The following SOX30 variants were observed in gnomAD, a reference collection of about 807,000 sequenced individuals.
The protein encoded by SOX30 is transcription factor SOX-30.
A neutral mutation model predicts 58.6 loss-of-function variants in SOX30; 17 were observed. The ratio of observed to expected loss-of-function variants is 0.29; its 90% CI spans 0.20 to 0.44. The LOEUF (loss-of-function observed/expected upper bound fraction) is 0.44, where lower values mean the gene tolerates loss of function less well. Ranked by LOEUF, SOX30 falls within the 20% of genes least tolerant of loss-of-function variation. The probability of loss-of-function intolerance (pLI) is 1.00; values close to 1 mark genes in which losing one functional copy is unlikely to be tolerated. For missense variants in SOX30, 951 were observed against 965.8 expected (o/e 0.98, Z 0.20); for synonymous variants, 421 against 400.2 (o/e 1.05, Z -0.62).
chr5:157,671,315 G>A, intron 1 of SOX30: 1 of 424,924 alleles, frequency 2.4e-6, no homozygotes, highest in East Asian at 4.2e-5. Context: ...AGCGGAAAAG[G>A]TCTGCTCAGC....
chr5:157,638,101 G>T, intron 4 of SOX30, 129 bp downstream of exon 4: 1 of 914,796 alleles, frequency 1.1e-6, no homozygotes. Context: ...TAACTGCTTG[G>T]CTCCTAGTCA....
intron 3 of SOX30, 83 bp from the exon 4 acceptor site, chr5:157,638,805 T>C (rs1189891007): frequency 7.1e-7 from 1 of 1,410,216 alleles, no homozygotes; most frequent in Non-Finnish European, 9.6e-7. Context: ...TAATAAATTG[T>C]ATAAGCAGAG....
intron 1 of SOX30, among the ~76,000 whole-genome samples, chr5:157,670,973 C>T (rs1407607222): frequency 6.6e-6 from 1 of 152,184 alleles, no homozygotes; most frequent in Non-Finnish European, 1.5e-5. Flanking sequence ...TAGGGGTGGG[C>T]CAGGTAGGTT....
intron 2 of SOX30, among the ~76,000 whole-genome samples, chr5:157,667,578 AC>A (rs772058760): frequency 3.9e-5 from 6 of 152,166 alleles, no homozygotes; most frequent in Non-Finnish European, 8.8e-5. Context: ...TTCTAAAAAT[AC>A]AAAAATTAGC....
chr5:157,645,460 C>T (rs954776554), intron 3 of SOX30, among the ~76,000 whole-genome samples: 6 of 152,004 alleles, frequency 3.9e-5, no homozygotes, highest in South Asian at 2.1e-4. Flanking sequence ...GCCCAGGATT[C>T]GACACCAGCC....
At chr5:157,666,718 T>A (rs1759680497) in intron 2 of SOX30, among the ~76,000 whole-genome samples, 1 of 152,176 alleles carries the variant, frequency 6.6e-6, no homozygotes, top group African/African-American at 2.4e-5. Flanking sequence ...TTTTTTGTTT[T>A]GTTTTGAGAT....
chr5:157,638,585 G>C lies in SOX30; in HGVS notation c.1525C>G (p.Pro509Ala). ...GAAGGCCCAGTAAAGCGTTGGGGTG[G>C]GAGTGCTGGATAGACAGGTAGACTT... ...DPSLPVYPAL[P>A]PQRFTGPSQT... is the part of the protein sequence containing the mutation. The change falls in exon 4 of 5, where the codon CCA (proline) becomes GCA (alanine). Residue 509 changes from proline (P) to alanine (A), a missense_variant. Pro to Ala is a conservative substitution (Grantham distance 27). Coordinates refer to ENST00000265007, the MANE Select transcript of SOX30 (RefSeq NM_178424.2). The C allele has an allele frequency of 1.2e-6, 2 of 1,614,142 alleles. No homozygotes were observed. The highest frequency in any genetic ancestry group is 1.7e-6 in the Non-Finnish European group (2 of 1,180,030).
Position 157,626,498 on chromosome 5 carries a change from G to T in SOX30, c.2104C>A (p.His702Asn), listed in dbSNP as rs748537714. 1.7e-5 allele frequency: 27 copies of T among 1,613,984 alleles called. No homozygotes were observed. Among genetic ancestry groups the T allele is most frequent in the Non-Finnish European group, 2.3e-5 (27 of 1,180,050 alleles). The change falls in exon 5 of 5, where the codon CAC becomes AAC. Residue 702 changes from histidine (H) to asparagine (N), a missense_variant. By Grantham distance (68) the His-to-Asn change is moderately conservative. This residue lies in a region of SOX30 where 381 missense variants were observed against 390.0 expected (regional missense o/e 0.98). Transcript: ENST00000265007. Reference sequence around the variant, plus strand: ...GGGTTTAAGTTTTCTTCCCCACTGTGGCTATGACTGTTATAGTAAGAAGTT... The same window carrying T: ...GGGTTTAAGTTTTCTTCCCCACTGTTGCTATGACTGTTATAGTAAGAAGTT... ...NGTSYYNSHSHSGEENLNPVP... is the reference protein window; with the variant it reads ...NGTSYYNSHSNSGEENLNPVP...
rs562336073 is a variant in SOX30 at position 157,637,840 on chromosome 5, C to A, written c.1880+390G>T. Among the ~76,000 whole-genome samples the A allele has an allele frequency of 8.5e-5, 13 of 152,162 alleles. No individual in the cohort carries two copies. In the South Asian group the frequency reaches 2.7e-3, roughly 32 times the overall value. ...TCCTGAGTAGCTGGGATCACAGGCA[C>A]GTGCCACCACGCCTGGCTAATTTTT... On this transcript the variant is annotated intron_variant, in intron 4 of 4. Transcript: ENST00000265007.
chr5:157,638,254 G>C lies in SOX30; in HGVS notation c.1856C>G (p.Pro619Arg). 6.5e-7 allele frequency: 1 copy of C among 1,543,096 alleles called. No individual in the cohort carries two copies. The highest frequency in any genetic ancestry group is 8.7e-7 in the Non-Finnish European group (1 of 1,144,366). ...RFSFHHPYFL[P>R]GPHYFPSSTC... ...CCTTGATGGGAAGTAGTGAGGTCCG[G>C]GTAGGAAGTAAGGGTGATGAAAAGA... Residue 619 changes from proline (P) to arginine (R), a missense_variant, in exon 4 of 5, where the codon CCC becomes CGC. Around this residue, in one of 7 missense-constraint regions of SOX30, gnomAD observed 381 missense variants for 390.0 expected, o/e 0.98. Coordinates refer to ENST00000265007, the MANE Select transcript of SOX30 (RefSeq NM_178424.2).
In SOX30 at chr5:157,651,756, C is replaced by A. The variant is rs368511711; in HGVS notation, c.323G>T (p.Arg108Leu). Residue 108 changes from arginine to leucine, a missense_variant, in exon 1 of 5, where the codon CGG becomes CTG. Transcript: ENST00000265007. ...TGACGCTGTCGGCGGCTGCAGGAGC[C>A]GCAGGTCGGGCCTGAACTGCAACAG... Reference protein sequence around the residue: ...ARLLQFRPDLRLLQPPTASDG... With the variant: ...ARLLQFRPDLLLLQPPTASDG... The A allele has an allele frequency of 2.6e-6, 4 of 1,556,642 alleles. No individual in the cohort carries two copies. In the African/African-American group the frequency reaches 5.4e-5, roughly 21 times the overall value.
intron 2 of SOX30, among the ~76,000 whole-genome samples, chr5:157,661,312 T>C (rs1376109146): frequency 1.1e-4 from 17 of 152,204 alleles, no homozygotes; most frequent in Admixed American, 1.1e-3. Flanking sequence ...TTCCTTCTAT[T>C]CCTAGTTTAT....
chr5:157,652,623 C>G (rs1378356438), upstream of SOX30, among the ~76,000 whole-genome samples: 10 of 152,334 alleles, frequency 6.6e-5, no homozygotes, highest in East Asian at 1.7e-3. Context: ...TGCAACTTAT[C>G]AATAACCTAT....
At chr5:157,655,641 G>A (rs963825499), upstream of SOX30, among the ~76,000 whole-genome samples, 7 of 152,130 alleles carry the variant, frequency 4.6e-5, no homozygotes, top group African/African-American at 1.4e-4. Context: ...CTTCACTACC[G>A]AGAAGTGGCC....
chr5:157,651,598 T>TA lies in SOX30; in HGVS notation c.480dup (p.Arg161Ter). Reference sequence around the variant, plus strand: ...TCCAACTTGACCACCCTGGAGGCTCTAGGACCGGTTTCGACGGCCCCTCGA... The same window carrying TA: ...TCCAACTTGACCACCCTGGAGGCTCTAAGGACCGGTTTCGACGGCCCCTCGA... On this transcript the variant is annotated frameshift_variant, in exon 1 of 5. Coordinates refer to ENST00000265007, the MANE Select transcript of SOX30 (RefSeq NM_178424.2). LOFTEE classifies it high-confidence loss of function. 6.2e-7 allele frequency: 1 copy of TA among 1,613,084 alleles called. No homozygotes were observed. Among genetic ancestry groups the TA allele is most frequent in the South Asian group, 1.1e-5 (1 of 91,084 alleles).
rs1416810857 is a variant in SOX30 at position 157,642,918 on chromosome 5, T to C, written c.1387+3719A>G. 2.6e-5 allele frequency among the ~76,000 whole-genome samples: 4 copies of C among 152,194 alleles called. No homozygotes were observed. In the East Asian group the frequency reaches 5.8e-4, roughly 22 times the overall value. On this transcript the variant is annotated intron_variant, in intron 3 of 4. Transcript: ENST00000265007. Reference sequence around the variant, plus strand: ...AGAACAGAGAGACTCAATAAATTCCTTTCTCCTAAAGAAGACCTTAAGATT... The same window carrying C: ...AGAACAGAGAGACTCAATAAATTCCCTTCTCCTAAAGAAGACCTTAAGATT...
chr5:157,665,070 C>A (rs1759645751), intron 2 of SOX30, among the ~76,000 whole-genome samples: 1 of 152,172 alleles, frequency 6.6e-6, no homozygotes, highest in Non-Finnish European at 1.5e-5. Context: ...ACTAGAAATA[C>A]CATTTGACCC....
In SOX30 at chr5:157,651,374, C is replaced by T; in HGVS notation, c.705G>A (p.Leu235=). ...AGATGACCTCCGCGCTGCCATGAACCAGGCCATTGGACGCGGGCTCCGCGC... is the reference window on the plus strand; with the variant it reads ...AGATGACCTCCGCGCTGCCATGAACTAGGCCATTGGACGCGGGCTCCGCGC... ...RLGAEPASNG[L]VHGSAEVILA... The change falls in exon 1 of 5, where the codon CTG becomes CTA. Residue 235 remains leucine (L), a synonymous_variant. Coordinates refer to ENST00000265007, the MANE Select transcript of SOX30 (RefSeq NM_178424.2). 6.2e-7 allele frequency: 1 copy of T among 1,613,776 alleles called. No homozygotes were observed. The highest frequency in any genetic ancestry group is 8.5e-7 in the Non-Finnish European group (1 of 1,180,042).
chr5:157,664,153 A>G (rs1478753657), intron 2 of SOX30, among the ~76,000 whole-genome samples: 2 of 151,890 alleles, frequency 1.3e-5, no homozygotes, highest in Non-Finnish European at 2.9e-5. Context: ...CTAAGCCAAA[A>G]GAACAAAGCT....
Sources: gnomAD v4.1 joint callset for allele counts (sites outside exome capture counted in the v4.1 genomes callset) on GRCh38, gnomAD v4.1.1 for gene constraint, gnomAD v4.1.1 regional missense constraint, MANE v1.5 for transcripts, NCBI Gene and HGNC (gene_info 2026-07-23, HGNC 2026-07-21) for gene names.